ITCH: variants seen among roughly 807,000 people sequenced by gnomAD.
ITCH encodes E3 ubiquitin-protein ligase Itchy homolog.
A neutral mutation model predicts 126.8 loss-of-function variants in ITCH; 28 were observed. The observed-to-expected ratio is 0.22, with a 90% CI of 0.16 to 0.30. ITCH has a LOEUF of 0.30. Ranked by LOEUF, ITCH falls within the 10% of genes least tolerant of loss-of-function variation. The pLI, the probability that ITCH is intolerant of heterozygous loss-of-function variation, is 1.00. For synonymous variants in ITCH, 342 were observed against 340.0 expected (o/e 1.01, Z -0.06); for missense variants, 631 against 1,032.4 (o/e 0.61, Z 5.33).
intron 1 of ITCH, among the ~76,000 whole-genome samples, chr20:34,363,609 C>G (rs1424284567): frequency 6.6e-6 from 1 of 152,132 alleles, no homozygotes; most frequent in East Asian, 1.9e-4. Context: ...GCCTTCGCCT[C>G]GCGGGCTCCA....
chr20:34,482,641 C>T (rs532780036), intron 20 of ITCH, among the ~76,000 whole-genome samples: 10 of 152,326 alleles, frequency 6.6e-5, no homozygotes, highest in East Asian at 5.8e-4. Flanking sequence ...AGCCCCCCAC[C>T]GGCTGCTTTC....
At chr20:34,397,356 A>C (rs2038715210) in intron 3 of ITCH, among the ~76,000 whole-genome samples, 1 of 152,202 alleles carries the variant, frequency 6.6e-6, no homozygotes, top group Non-Finnish European at 1.5e-5. Flanking sequence ...TGTACTAGCT[A>C]GAATGAGTCA....
At position 34,393,785 on chromosome 20, in the gene ITCH, G is replaced by A. The variant is rs772581295; in HGVS notation, c.-21-6G>A. Reference sequence around the variant, plus strand: ...ATGTTTACAGTGTCTCCTTTGCCATGTTCAGGTTTTCCAACCTATTGGTGG... The same window carrying A: ...ATGTTTACAGTGTCTCCTTTGCCATATTCAGGTTTTCCAACCTATTGGTGG... On this transcript the variant is annotated splice_region_variant and splice_polypyrimidine_tract_variant and intron_variant, in intron 2 of 24. Transcript: ENST00000374864. The A allele has an allele frequency of 1.9e-6, 3 of 1,557,884 alleles. No individual in the cohort carries two copies. The highest frequency in any genetic ancestry group is 4.5e-5 in the East Asian group (2 of 44,650).
intron 2 of ITCH, among the ~76,000 whole-genome samples, chr20:34,386,500 A>G (rs980199908): frequency 6.6e-6 from 1 of 152,206 alleles, no homozygotes; most frequent in Non-Finnish European, 1.5e-5. Context: ...GTTTGACTTC[A>G]TTAGGGTTTA....
chr20:34,444,563 G>A (rs936332922), intron 10 of ITCH, among the ~76,000 whole-genome samples: 5 of 152,052 alleles, frequency 3.3e-5, no homozygotes, highest in Non-Finnish European at 7.4e-5. Flanking sequence ...ATCCAGTCTG[G>A]GCAACAAGAG....
At chr20:34,446,711 C>T (rs189670970) in intron 11 of ITCH, among the ~76,000 whole-genome samples, 55 of 152,150 alleles carry the variant, frequency 3.6e-4, no homozygotes, top group African/African-American at 1.3e-3. Context: ...CAAATTTCTT[C>T]TAGGTTTGAA....
chr20:34,392,800 C>T (rs2038531527), intron 2 of ITCH, among the ~76,000 whole-genome samples: 1 of 152,106 alleles, frequency 6.6e-6, no homozygotes, highest in South Asian at 2.1e-4. Context: ...CAGACTTGAC[C>T]TCCTGGTTGG....
At chr20:34,368,980 TAA>T (rs1337891536) in intron 1 of ITCH, among the ~76,000 whole-genome samples, 1 of 152,198 alleles carries the variant, frequency 6.6e-6, no homozygotes, top group Admixed American at 6.6e-5. Flanking sequence ...ATGAAATTTT[TAA>T]AAGAGACTTT....
intron 23 of ITCH, among the ~76,000 whole-genome samples, chr20:34,498,740 C>A (rs900935244): frequency 2.6e-5 from 4 of 151,920 alleles, no homozygotes; most frequent in African/African-American, 9.7e-5. Flanking sequence ...CTGTGTTCAT[C>A]AAGGATATTG....
At chr20:34,477,723 GTGTTTCAA>G in intron 16 of ITCH, 41 bp from the exon 17 acceptor site, 1 of 1,550,396 alleles carries the variant, frequency 6.4e-7, no homozygotes, top group Non-Finnish European at 8.9e-7. Context: ...GTGGTAGACA[GTGTTTCAA>G]TAGCTTTTTT....
At chr20:34,369,638 G>C in intron 2 of ITCH, 168 bp downstream of exon 2, 1 of 390,922 alleles carries the variant, frequency 2.6e-6, no homozygotes. Flanking sequence ...CCTCTGCAGG[G>C]ATTAGCCTGT....
chr20:34,439,664 T>C (rs895665216), intron 8 of ITCH, among the ~76,000 whole-genome samples: 5 of 152,224 alleles, frequency 3.3e-5, no homozygotes, highest in African/African-American at 1.2e-4. Context: ...CTCTAGACAT[T>C]GTTTTGTCCA....
intron 12 of ITCH, chr20:34,454,411 A>G (rs1985636001): frequency 6.6e-6 from 1 of 152,170 alleles, no homozygotes; most frequent in Admixed American, 6.6e-5. Context: ...TGCTGGGATT[A>G]CAGGTGTGAG....
rs1443499131 is a variant in ITCH at position 34,411,728 on chromosome 20, A to G, written c.213-787A>G. 2.0e-5 allele frequency among the ~76,000 whole-genome samples: 3 copies of G among 152,332 alleles called. No individual in the cohort carries two copies. The East Asian group carries it at 5.8e-4, about 29-fold the overall frequency. On this transcript the variant is annotated intron_variant, in intron 4 of 24. Coordinates refer to ENST00000374864, the MANE Select transcript of ITCH (RefSeq NM_031483.7). ...AAACATTTCTGGAATTTGTCTTTATATCATTGAACCATAGGACTGTGGTAG... is the reference window on the plus strand; with the variant it reads ...AAACATTTCTGGAATTTGTCTTTATGTCATTGAACCATAGGACTGTGGTAG...
intron 14 of ITCH, among the ~76,000 whole-genome samples, chr20:34,466,583 T>A (rs911080153): frequency 6.6e-6 from 1 of 152,170 alleles, no homozygotes; most frequent in Admixed American, 6.5e-5. Context: ...ACAATAAGTT[T>A]GGGTGCATAT....
intron 4 of ITCH, among the ~76,000 whole-genome samples, chr20:34,410,648 G>A (rs536291851): frequency 6.6e-6 from 1 of 152,248 alleles, no homozygotes; most frequent in Admixed American, 6.5e-5. Flanking sequence ...GGAGGAGTTC[G>A]AGATTAACCA....
chr20:34,454,817 G>GTTTTTTTTT (rs200486269), intron 12 of ITCH, among the ~76,000 whole-genome samples: 14 of 109,550 alleles, frequency 1.3e-4, no homozygotes, highest in African/African-American at 3.4e-4. Context: ...TTCTTTTCCT[G>GTTTTTTTTT]TTTTTTTTTT....
At chr20:34,422,663 G>C (rs1980934355) in intron 6 of ITCH, among the ~76,000 whole-genome samples, 2 of 151,904 alleles carry the variant, frequency 1.3e-5, no homozygotes, top group Admixed American at 1.3e-4. Context: ...ATGAATTTTA[G>C]TAACTTAAGT....
chr20:34,387,317 A>AG (rs1289322969), intron 2 of ITCH, among the ~76,000 whole-genome samples: 1 of 151,824 alleles, frequency 6.6e-6, no homozygotes, highest in East Asian at 1.9e-4. Flanking sequence ...AAAAAAAAAA[A>AG]AATTTATAAA....
Sources: allele counts gnomAD v4.1 joint callset (sites outside exome capture counted in the v4.1 genomes callset), GRCh38; gene constraint gnomAD v4.1.1; transcripts MANE v1.5; gene names NCBI Gene and HGNC (gene_info 2026-07-23, HGNC 2026-07-21).